The following KDM7A variants were observed in gnomAD, a reference collection of about 807,000 sequenced individuals.
KDM7A encodes the protein lysine-specific demethylase 7A.
A neutral mutation model predicts 114.8 loss-of-function variants in KDM7A; 28 were observed. The ratio of observed to expected loss-of-function variants is 0.24; its 90% CI spans 0.18 to 0.33. The LOEUF (loss-of-function observed/expected upper bound fraction) is 0.33, where lower values mean the gene tolerates loss of function less well. KDM7A is among the 10% of genes least tolerant of loss of function. The pLI, the probability that KDM7A is intolerant of heterozygous loss-of-function variation, is 1.00. For synonymous variants in KDM7A, 423 were observed against 397.8 expected, an observed-to-expected ratio of 1.06 and a Z score of -0.75; for missense variants, 942 against 1,142.5, an observed-to-expected ratio of 0.82 and a Z score of 2.53.
chr7:140,129,980 A>T (rs535073976), intron 3 of KDM7A, among the ~76,000 whole-genome samples: 1 of 152,360 alleles, frequency 6.6e-6, no homozygotes. Context: ...ACAAACTCTA[A>T]AATGCTCCAA....
At chr7:140,096,131 T>C (rs1818105390) in intron 17 of KDM7A, among the ~76,000 whole-genome samples, 1 of 152,162 alleles carries the variant, frequency 6.6e-6, no homozygotes, top group South Asian at 2.1e-4. Context: ...TTCCTAATAC[T>C]TTCTTTTCAA....
chr7:140,132,160 A>T (rs1818797998), intron 3 of KDM7A, among the ~76,000 whole-genome samples: 1 of 152,210 alleles, frequency 6.6e-6, no homozygotes, highest in Non-Finnish European at 1.5e-5. Flanking sequence ...CCTCTGTGTT[A>T]ATCATATCAA....
chr7:140,091,300 G>A (rs1818015426), intron 19 of KDM7A, 112 bp from the exon 20 acceptor site: 2 of 755,294 alleles, frequency 2.6e-6, no homozygotes, highest in East Asian at 2.5e-5. Flanking sequence ...TAGGTGTTCT[G>A]CATGGACAGA....
intron 1 of KDM7A, among the ~76,000 whole-genome samples, chr7:140,164,357 T>C (rs892060988): frequency 1.5e-4 from 23 of 152,206 alleles, no homozygotes; most frequent in African/African-American, 5.5e-4. Context: ...GATCATTCTT[T>C]CTTGTGGGGG....
At position 140,096,901 on chromosome 7, in the gene KDM7A, T is replaced by A. The variant is rs371161381; in HGVS notation, c.2163A>T (p.Lys721Asn). 1 of 1,613,566 alleles carries A rather than the reference T, an allele frequency of 6.2e-7. No individual in the cohort carries two copies. The highest frequency in any genetic ancestry group is 1.3e-5 in the African/African-American group (1 of 74,918). Residue 721 changes from lysine to asparagine, a missense_variant and splice_region_variant, in exon 16 of 20, where the codon AAA becomes AAT. By Grantham distance (94) the Lys-to-Asn change is moderately conservative. Transcript: ENST00000397560. Reference sequence around the variant, plus strand: ...CTTACTACTATCAGCAAGCCTACCTTTTAATTGGAATTTCACTTCTAGATG... The same window carrying A: ...CTTACTACTATCAGCAAGCCTACCTATTAATTGGAATTTCACTTCTAGATG... Reference protein sequence around the residue: ...QKPSRSEIPIKRECPTSTSTE... With the variant: ...QKPSRSEIPINRECPTSTSTE...
At chr7:140,097,238 TAC>T (rs1347322247) in intron 15 of KDM7A, among the ~76,000 whole-genome samples, 191 bp from the exon 16 acceptor site, 1 of 152,196 alleles carries the variant, frequency 6.6e-6, no homozygotes, top group Non-Finnish European at 1.5e-5. Flanking sequence ...ATTAAAAAAA[TAC>T]ACAGTATAGG....
intron 10 of KDM7A, among the ~76,000 whole-genome samples, chr7:140,113,166 G>A (rs1214616378): frequency 1.3e-5 from 2 of 152,208 alleles, no homozygotes; most frequent in African/African-American, 4.8e-5. Flanking sequence ...TGTGTATAAA[G>A]ATTAAGCACA....
intron 11 of KDM7A, among the ~76,000 whole-genome samples, chr7:140,106,618 G>C (rs1167843749): frequency 2.6e-5 from 4 of 152,190 alleles, no homozygotes; most frequent in Non-Finnish European, 5.9e-5. Flanking sequence ...TCTTAATCCT[G>C]AGTTCTAGTT....
intron 1 of KDM7A, among the ~76,000 whole-genome samples, chr7:140,149,210 C>T (rs977771167): frequency 6.6e-6 from 1 of 152,200 alleles, no homozygotes; most frequent in Non-Finnish European, 1.5e-5. Flanking sequence ...AAAACATACT[C>T]CCCAAAAAGC....
chr7:140,133,830 C>T (rs1212928742), intron 2 of KDM7A, among the ~76,000 whole-genome samples, 174 bp from the exon 3 acceptor site: 1 of 152,160 alleles, frequency 6.6e-6, no homozygotes, highest in East Asian at 1.9e-4. Context: ...GCTGCAATTA[C>T]AGACAATTAA....
Position 140,127,643 on chromosome 7 carries a change from A to T in KDM7A, c.560-60T>A, listed in dbSNP as rs1422841953. Reference sequence around the variant, plus strand: ...TAAGAGTTACATCAGCAGATGCTCTAATCAAAAAATATTTTAACTTGGTAT... The same window carrying T: ...TAAGAGTTACATCAGCAGATGCTCTTATCAAAAAATATTTTAACTTGGTAT... On this transcript the variant is annotated intron_variant, in intron 4 of 19. Transcript: ENST00000397560. The T allele has an allele frequency of 2.9e-6, 4 of 1,364,526 alleles. No homozygotes were observed. The African/African-American group carries it at 4.4e-5, about 15-fold the overall frequency. The allele number at this position is 1,364,526 out of a possible 1,614,324, so 84.5% of individuals were successfully genotyped here. A position where few individuals can be genotyped will look rare whatever the true frequency, so the allele number is the denominator to read the frequency against.
At chr7:140,142,409 C>A (rs1794294057) in intron 1 of KDM7A, among the ~76,000 whole-genome samples, 1 of 150,362 alleles carries the variant, frequency 6.7e-6, no homozygotes. Flanking sequence ...TACTGAACTC[C>A]TATAAATCAA....
chr7:140,153,328 T>C (rs1794422066), intron 1 of KDM7A, among the ~76,000 whole-genome samples: 1 of 150,408 alleles, frequency 6.6e-6, no homozygotes, highest in Non-Finnish European at 1.5e-5. Flanking sequence ...CTACTGAAAA[T>C]ACAAAAAACT....
chr7:140,133,498 T>G (rs201749257), intron 3 of KDM7A, 41 bp downstream of exon 3: 1 of 1,160,024 alleles, frequency 8.6e-7, no homozygotes, highest in Admixed American at 1.8e-5. Flanking sequence ...ACGACATTCT[T>G]ACATTCTTAC....
intron 1 of KDM7A, among the ~76,000 whole-genome samples, chr7:140,146,076 C>A (rs1270081414): frequency 6.6e-6 from 1 of 152,128 alleles, no homozygotes; most frequent in East Asian, 1.9e-4. Context: ...CAGGTTTGGG[C>A]CAGTTCTAAT....
intron 11 of KDM7A, among the ~76,000 whole-genome samples, chr7:140,109,354 G>T (rs1818395666): frequency 6.6e-6 from 1 of 152,342 alleles, no homozygotes; most frequent in Non-Finnish European, 1.5e-5. Flanking sequence ...CGCTCACGCT[G>T]GGAGCTGTAG....
chr7:140,176,732 G>A lies in KDM7A; in HGVS notation c.194+12C>T, dbSNP rs775643276. ...GCGGTGGCGGCTGCGGGGCTGGAGG[G>A]GGTTTATTTACCTGCCGTGGAACCA... On this transcript the variant is annotated intron_variant, in intron 1 of 19. Transcript: ENST00000397560. This position sits in a 1 kb window ranked among gnomAD's most constrained non-coding sequence, Gnocchi z 4.4. The A allele has an allele frequency of 3.0e-5, 40 of 1,313,944 alleles. No individual in the cohort carries two copies. Among genetic ancestry groups the A allele is most frequent in the Non-Finnish European group, 3.6e-5 (36 of 1,003,196 alleles). 81.4% of individuals were successfully genotyped at this position (1,313,944 alleles called of 1,614,324 possible).
At chr7:140,174,982 A>T (rs987897918) in intron 1 of KDM7A, among the ~76,000 whole-genome samples, 1 of 152,214 alleles carries the variant, frequency 6.6e-6, no homozygotes, top group Admixed American at 6.5e-5. Flanking sequence ...AAAAATAAGC[A>T]TTTACATAAT....
In KDM7A at chr7:140,127,581, C is replaced by T. The variant is rs1240859643; in HGVS notation, c.562G>A (p.Gly188Ser). 6.2e-7 allele frequency: 1 copy of T among 1,613,244 alleles called. No homozygotes were observed. The highest frequency in any genetic ancestry group is 1.1e-5 in the South Asian group (1 of 90,914). ...SVMDVERYVG[G>S]DKVIDVIDVA... The stretch of plus-strand genomic sequence containing the variant: ...TCAATGACATCTATCACTTTGTCAC[C>T]ACCTGCAGAGAAAAATTACAGTCTT... Residue 188 changes from glycine to serine, a missense_variant and splice_region_variant, in exon 5 of 20, where the codon GGT becomes AGT. Transcript: ENST00000397560.
Sources: allele counts gnomAD v4.1 joint callset (sites outside exome capture counted in the v4.1 genomes callset), GRCh38; gene constraint gnomAD v4.1.1; non-coding constraint Gnocchi (gnomAD v3.1); transcripts MANE v1.5; gene names NCBI Gene and HGNC (gene_info 2026-07-23, HGNC 2026-07-21).